CNTN5: variants seen among roughly 807,000 people sequenced by gnomAD.
The protein encoded by CNTN5 is contactin 5.
A neutral mutation model predicts 129.1 loss-of-function variants in CNTN5; 77 were observed. The observed-to-expected ratio is 0.60, with a 90% CI of 0.50 to 0.72. The LOEUF (loss-of-function observed/expected upper bound fraction) is 0.72, where lower values mean the gene tolerates loss of function less well. Ranked by LOEUF, CNTN5 falls within the 30% of genes least tolerant of loss-of-function variation. The pLI, the probability that CNTN5 is intolerant of heterozygous loss-of-function variation, is 0.00. For missense variants in CNTN5, 1,478 were observed against 1,328.8 expected (o/e 1.11, Z -1.75); for synonymous variants, 509 against 465.6 (o/e 1.09, Z -1.20).
At chr11:99,981,101 TATACAC>T (rs1360297311) in intron 8 of CNTN5, among the ~76,000 whole-genome samples, 734 of 61,288 alleles carry the variant, frequency 0.012, 16 homozygotes, top group Middle Eastern at 0.036. Context: ...TATATATATA[TATACAC>T]ACACACACAC....
chr11:100,194,299 C>T (rs934340700), intron 15 of CNTN5, among the ~76,000 whole-genome samples: 1 of 151,866 alleles, frequency 6.6e-6, no homozygotes, highest in African/African-American at 2.4e-5. Flanking sequence ...CCCTTCCCCA[C>T]ATGGACTTAT....
At chr11:100,212,250 ATTC>A (rs1261261391) in intron 15 of CNTN5, among the ~76,000 whole-genome samples, 1 of 152,166 alleles carries the variant, frequency 6.6e-6, no homozygotes, top group Non-Finnish European at 1.5e-5. Flanking sequence ...GCTCTAATGC[ATTC>A]TTTTCAATAG....
intron 2 of CNTN5, among the ~76,000 whole-genome samples, chr11:99,474,672 A>T (rs796722266): frequency 2.6e-5 from 4 of 152,248 alleles, no homozygotes; most frequent in African/African-American, 9.6e-5. Flanking sequence ...TGCAGTATTT[A>T]ATCTTTCAGG....
intron 1 of CNTN5, among the ~76,000 whole-genome samples, chr11:99,159,744 G>T (rs1860516681): frequency 6.6e-6 from 1 of 152,110 alleles, no homozygotes; most frequent in Non-Finnish European, 1.5e-5. Context: ...TGGCATAAGG[G>T]ATAATAAATT....
chr11:99,719,423 TAGG>T (rs980856896), intron 3 of CNTN5, among the ~76,000 whole-genome samples: 1 of 152,058 alleles, frequency 6.6e-6, no homozygotes, highest in African/African-American at 2.4e-5. Flanking sequence ...AATGTTTTCA[TAGG>T]AGTAAAATGT....
At chr11:99,523,704 CAGAATAGAATAGAAT>C (rs55824176) in intron 2 of CNTN5, among the ~76,000 whole-genome samples, 53 of 120,044 alleles carry the variant, frequency 4.4e-4, no homozygotes, top group African/African-American at 1.0e-3. Context: ...CAGAATAGAA[CAGAATAGAATAGAAT>C]AGAATAGAAT....
At chr11:99,966,025 G>C (rs1345109518) in intron 8 of CNTN5, among the ~76,000 whole-genome samples, 1 of 152,122 alleles carries the variant, frequency 6.6e-6, no homozygotes, top group Non-Finnish European at 1.5e-5. Context: ...TCAATGCAGA[G>C]ATAGGCATTA....
At chr11:99,048,812 A>T (rs149596231) in intron 1 of CNTN5, among the ~76,000 whole-genome samples, 1 of 152,182 alleles carries the variant, frequency 6.6e-6, no homozygotes, top group African/African-American at 2.4e-5. Context: ...CTTACATCTT[A>T]AGCCCACATC....
intron 2 of CNTN5, among the ~76,000 whole-genome samples, chr11:99,388,288 A>T (rs927243902): frequency 4.0e-5 from 6 of 151,658 alleles, no homozygotes; most frequent in Non-Finnish European, 8.8e-5. Flanking sequence ...GGTGGCACAC[A>T]CCTGTAATCC....
intron 3 of CNTN5, among the ~76,000 whole-genome samples, chr11:99,625,835 A>C (rs960984700): frequency 6.6e-5 from 10 of 151,854 alleles, no homozygotes; most frequent in Admixed American, 3.3e-4. Flanking sequence ...ATGACGTAAG[A>C]AGTAGAAAGA....
chr11:99,457,213 A>T (rs993169414), intron 2 of CNTN5, among the ~76,000 whole-genome samples: 2 of 151,990 alleles, frequency 1.3e-5, no homozygotes, highest in Non-Finnish European at 2.9e-5. Flanking sequence ...TACAATCTAC[A>T]ATCTATTTAC....
intron 6 of CNTN5, among the ~76,000 whole-genome samples, chr11:99,845,528 A>G (rs1001878837): frequency 1.3e-5 from 2 of 151,082 alleles, no homozygotes; most frequent in Non-Finnish European, 3.0e-5. Context: ...GCCCGCCACT[A>G]CGCCCGGCTA....
chr11:100,180,537 C>A (rs1468232953), intron 13 of CNTN5, among the ~76,000 whole-genome samples: 1 of 151,846 alleles, frequency 6.6e-6, no homozygotes, highest in African/African-American at 2.4e-5. Context: ...AAAATACACA[C>A]AAGGAAAGCA....
At chr11:99,803,817 C>T (rs1211026692) in intron 3 of CNTN5, among the ~76,000 whole-genome samples, 3 of 152,192 alleles carry the variant, frequency 2.0e-5, no homozygotes, top group East Asian at 1.9e-4. Context: ...TTACAGTGCT[C>T]TCTTCCCTGA....
intron 4 of CNTN5, among the ~76,000 whole-genome samples, chr11:99,840,999 A>G (rs1947470470): frequency 6.6e-6 from 1 of 152,160 alleles, no homozygotes; most frequent in Admixed American, 6.5e-5. Flanking sequence ...GGGAAGCTGT[A>G]CGTAGACATG....
intron 1 of CNTN5, among the ~76,000 whole-genome samples, chr11:99,247,978 G>A (rs1861905007): frequency 6.6e-6 from 1 of 152,188 alleles, no homozygotes; most frequent in South Asian, 2.1e-4. Context: ...TATATACCCA[G>A]TAATGGGATG....
intron 1 of CNTN5, among the ~76,000 whole-genome samples, chr11:99,213,465 C>A (rs1040388283): frequency 3.6e-5 from 5 of 139,178 alleles, no homozygotes; most frequent in Admixed American, 2.9e-4. Context: ...TACATATATA[C>A]GTGTGTATAT....
At chr11:99,689,501 TG>T (rs1953943524) in intron 3 of CNTN5, among the ~76,000 whole-genome samples, 1 of 111,386 alleles carries the variant, frequency 9.0e-6, no homozygotes, top group Non-Finnish European at 1.7e-5. Flanking sequence ...CACTCTACCC[TG>T]GGCGACAGAG....
rs908281698 is a variant in CNTN5 at position 100,041,729 on chromosome 11, G to T, written c.981-19483G>T. ...ATAACTTATTTTTAATGAAAGAAAA[G>T]ATTATAATTGTTTTAAAAAACAATG... On this transcript the variant is annotated intron_variant, in intron 9 of 24. Transcript: ENST00000524871. 2.6e-5 allele frequency among the ~76,000 whole-genome samples: 4 copies of T among 152,102 alleles called. 1 individual carries two copies. In the South Asian group the frequency reaches 6.2e-4, roughly 24 times the overall value.
Sources: allele counts gnomAD v4.1 joint callset (sites outside exome capture counted in the v4.1 genomes callset), GRCh38; gene constraint gnomAD v4.1.1; transcripts MANE v1.5; gene names NCBI Gene and HGNC (gene_info 2026-07-23, HGNC 2026-07-21).